The following TRHDE variants were observed in gnomAD, a reference collection of about 807,000 sequenced individuals.
TRHDE encodes thyrotropin releasing hormone degrading enzyme.
In TRHDE, 72 loss-of-function variants were observed where a neutral mutation model predicts 125.7. The observed-to-expected ratio is 0.57, with a 90% CI of 0.47 to 0.70. The LOEUF (loss-of-function observed/expected upper bound fraction) is 0.70, where lower values mean the gene tolerates loss of function less well. Among genes scored for constraint, TRHDE ranks in the 30% least tolerant of loss-of-function variants. The pLI is 0.00. For synonymous variants in TRHDE, 509 were observed against 509.1 expected, an observed-to-expected ratio of 1.00 and a Z score of 0.00; for missense variants, 1,110 against 1,327.1, an observed-to-expected ratio of 0.84 and a Z score of 2.54.
chr12:72,619,128 AT>A, intron 13 of TRHDE, 90 bp downstream of exon 13: 1 of 1,024,108 alleles, frequency 9.8e-7, no homozygotes, highest in Non-Finnish European at 1.3e-6. Flanking sequence ...ATGCCAAGTT[AT>A]TTTAGTTTGT....
At chr12:72,187,828 A>G (rs1185967953) in intron 2 of TRHDE, among the ~76,000 whole-genome samples, 1 of 152,176 alleles carries the variant, frequency 6.6e-6, no homozygotes, top group African/African-American at 2.4e-5. Flanking sequence ...ATTGTAATTG[A>G]AAGATATGTA....
At chr12:72,564,652 AATTT>A (rs1870345134) in intron 9 of TRHDE, among the ~76,000 whole-genome samples, 1 of 62,790 alleles carries the variant, frequency 1.6e-5, no homozygotes, top group African/African-American at 3.8e-5. Flanking sequence ...CATGCGTATG[AATTT>A]TTTTTTTTTT....
chr12:72,594,513 T>TG (rs1286326138), intron 12 of TRHDE, among the ~76,000 whole-genome samples: 3 of 151,382 alleles, frequency 2.0e-5, no homozygotes, highest in African/African-American at 7.3e-5. Context: ...TTTTTTTTTT[T>TG]TTTTTAATAT....
At position 72,471,272 on chromosome 12, in the gene TRHDE, G is replaced by C. The variant is rs192614080; in HGVS notation, c.1470+1360G>C. Among the ~76,000 whole-genome samples, 3 of 152,182 alleles carry C rather than the reference G, an allele frequency of 2.0e-5. No homozygotes were observed. In the East Asian group the frequency reaches 5.8e-4, roughly 29 times the overall value. The stretch of plus-strand genomic sequence containing the variant: ...CTCTGAGGTGTGTTCCTCATCTCAG[G>C]CTTAAGGGGGATCCTTTGCAGAGAT... On this transcript the variant is annotated intron_variant, in intron 4 of 18. Coordinates refer to ENST00000261180, the MANE Select transcript of TRHDE (RefSeq NM_013381.3).
chr12:72,378,320 G>A (rs956969645), intron 3 of TRHDE, among the ~76,000 whole-genome samples, 199 bp downstream of exon 3: 4 of 152,144 alleles, frequency 2.6e-5, no homozygotes, highest in Non-Finnish European at 4.4e-5. Flanking sequence ...AGTGCTCATA[G>A]GAATTAAGAA....
In TRHDE at chr12:72,665,255, A is replaced by G. The variant is rs1875072484; in HGVS notation, c.*2060A>G. Reference sequence around the variant, plus strand: ...GTAGTTGTGGTATATTTTTGAGTAAAATTACCATTTCCAGATTTGAGTTTG... The same window carrying G: ...GTAGTTGTGGTATATTTTTGAGTAAGATTACCATTTCCAGATTTGAGTTTG... On this transcript the variant is annotated 3_prime_UTR_variant, in exon 19 of 19. Transcript: ENST00000261180. The G allele has an allele frequency of 6.6e-6, 1 of 152,406 alleles. No homozygotes were observed. Among genetic ancestry groups the G allele is most frequent in the Non-Finnish European group, 1.5e-5 (1 of 67,950 alleles). The allele number at this position is 152,406 out of a possible 1,614,324, so 9.4% of individuals were successfully genotyped here. A position where few individuals can be genotyped will look rare whatever the true frequency, so the allele number is the denominator to read the frequency against.
rs116123975 is a variant in TRHDE at position 72,103,614 on chromosome 12, A to T, written n.175-2034A>T. ...ATTTTTCTGTGTTTCCACAGTCCTC[A>T]TTCCTTTATTAAAGGAATATTATTT... is the stretch of plus-strand genomic sequence containing the variant. On this transcript the variant is annotated intron_variant and non_coding_transcript_variant, in intron 1 of 4. Coordinates refer to the TRHDE transcript ENST00000548156. Among the ~76,000 whole-genome samples the T allele has an allele frequency of 8.0e-3, 1,218 of 152,292 alleles. 17 individuals carry two copies. The highest frequency in any genetic ancestry group is 0.028 in the African/African-American group (1,149 of 41,572).
In TRHDE at chr12:72,594,688, T is replaced by C. The variant is rs559753785; in HGVS notation, c.2321+19146T>C. Among the ~76,000 whole-genome samples, 79 of 152,232 alleles carry C rather than the reference T, an allele frequency of 5.2e-4. 1 individual carries two copies. The highest frequency in any genetic ancestry group is 1.0e-3 in the South Asian group (5 of 4,826). On this transcript the variant is annotated intron_variant, in intron 12 of 18. Transcript: ENST00000261180. Reference sequence around the variant, plus strand: ...GGAAATATTTTCAAACTTTTACTTATGAACTACTCTAATGTGGCAATTCCT... The same window carrying C: ...GGAAATATTTTCAAACTTTTACTTACGAACTACTCTAATGTGGCAATTCCT...
At chr12:72,465,114 A>G (rs1481541953) in intron 3 of TRHDE, among the ~76,000 whole-genome samples, 2 of 152,220 alleles carry the variant, frequency 1.3e-5, no homozygotes, top group Non-Finnish European at 2.9e-5. Context: ...GTCTCATAAC[A>G]AATTTCTTTT....
At chr12:72,530,416 CTTTTTTTTT>C (rs71438816) in intron 6 of TRHDE, among the ~76,000 whole-genome samples, 1 of 68,484 alleles carries the variant, frequency 1.5e-5, no homozygotes, top group Non-Finnish European at 2.6e-5. Flanking sequence ...TTCCTAGAAG[CTTTTTTTTT>C]TTTTTTTTTT....
At chr12:72,490,943 C>G (rs900475956) in intron 5 of TRHDE, among the ~76,000 whole-genome samples, 1 of 146,848 alleles carries the variant, frequency 6.8e-6, no homozygotes, top group Non-Finnish European at 1.5e-5. Context: ...TGTACTGTGT[C>G]TGTGATTCAT....
chr12:72,115,085 A>G (rs945498240), intron 2 of TRHDE, among the ~76,000 whole-genome samples: 1 of 152,050 alleles, frequency 6.6e-6, no homozygotes, highest in Non-Finnish European at 1.5e-5. Context: ...TTTGTGTTGC[A>G]AACAATCCAG....
chr12:72,656,033 T>C (rs1449701819), intron 17 of TRHDE, among the ~76,000 whole-genome samples: 3 of 152,140 alleles, frequency 2.0e-5, no homozygotes, highest in African/African-American at 7.2e-5. Flanking sequence ...AAACCTATTA[T>C]AACAGTGTGT....
At chr12:72,395,147 T>C (rs948501951) in intron 3 of TRHDE, among the ~76,000 whole-genome samples, 1 of 152,192 alleles carries the variant, frequency 6.6e-6, no homozygotes, top group African/African-American at 2.4e-5. Flanking sequence ...TTGAAGTTGT[T>C]GCTCCTAACT....
At chr12:72,578,921 A>G (rs1316077117) in intron 12 of TRHDE, among the ~76,000 whole-genome samples, 1 of 151,776 alleles carries the variant, frequency 6.6e-6, no homozygotes. Context: ...TCCTGCTCAC[A>G]GGTAAAATAT....
rs1592577605 is a variant in TRHDE at position 72,621,121 on chromosome 12, A to G, written c.2483A>G (p.Lys828Arg). ...TACCCCATTTAGGAATATATTTTAA[A>G]GCAAGTTGCAACAACATATATCAAG... ...NYNIFNEYIL[K>R]QVATTYIKLG... Residue 828 changes from lysine (K) to arginine (R), a missense_variant, in exon 14 of 19, where the codon AAG (lysine) becomes AGG (arginine). Physicochemically the swap from Lys to Arg is conservative, Grantham distance 26 (BLOSUM62 2). Transcript: ENST00000261180. The G allele has an allele frequency of 2.5e-6, 4 of 1,606,568 alleles. No homozygotes were observed. In the East Asian group the frequency reaches 8.9e-5, roughly 36 times the overall value.
intron 2 of TRHDE, among the ~76,000 whole-genome samples, chr12:72,316,538 A>G (rs573317446): frequency 5.9e-5 from 9 of 152,270 alleles, no homozygotes; most frequent in Non-Finnish European, 1.2e-4. Flanking sequence ...GGTTCCTCTT[A>G]GTCACAAACT....
intron 2 of TRHDE, among the ~76,000 whole-genome samples, chr12:72,369,757 G>C (rs1369000002): frequency 6.6e-6 from 1 of 152,094 alleles, no homozygotes; most frequent in East Asian, 1.9e-4. Flanking sequence ...AATGTTTATA[G>C]AGTTTGGTTT....
intron 1 of TRHDE, among the ~76,000 whole-genome samples, chr12:72,097,034 C>CCAAATA (rs1874940135): frequency 6.6e-6 from 1 of 152,228 alleles, no homozygotes; most frequent in African/African-American, 2.4e-5. Context: ...GATTAGCTTA[C>CCAAATA]TACTGGATCA....
Sources: allele counts gnomAD v4.1 joint callset (sites outside exome capture counted in the v4.1 genomes callset), GRCh38; gene constraint gnomAD v4.1.1; transcripts MANE v1.5; gene names NCBI Gene and HGNC (gene_info 2026-07-23, HGNC 2026-07-21).